AXIN2: variants seen among roughly 807,000 people sequenced by gnomAD.
AXIN2 encodes the protein axin-2.
In AXIN2, 21 loss-of-function variants were observed where a neutral mutation model predicts 74.7. That is an observed-to-expected ratio of 0.28 (90% CI 0.20 to 0.40). AXIN2 has a LOEUF of 0.40. AXIN2 is among the 10% of genes least tolerant of loss of function. AXIN2 has a pLI of 1.00. For synonymous variants in AXIN2, 532 were observed against 454.9 expected, an observed-to-expected ratio of 1.17 and a Z score of -2.16; for missense variants, 1,144 against 1,111.1, an observed-to-expected ratio of 1.03 and a Z score of -0.42.
chr17:65,538,501 C>A (rs2043985276), intron 4 of AXIN2, among the ~76,000 whole-genome samples, 158 bp from the exon 5 acceptor site: 1 of 151,830 alleles, frequency 6.6e-6, no homozygotes, highest in Admixed American at 6.6e-5. Context: ...GACTTTTATG[C>A]GCTAGCGCCA....
chr17:65,535,773 G>GC (rs758912013), intron 8 of AXIN2, 52 bp from the exon 9 acceptor site: 1 of 1,525,052 alleles, frequency 6.6e-7, no homozygotes, highest in East Asian at 2.2e-5. Flanking sequence ...TGTCCCCAGA[G>GC]CAATTGAAAA....
intron 1 of AXIN2, 117 bp downstream of exon 1, chr17:65,561,333 C>T (rs1198649390): frequency 1.4e-4 from 21 of 145,272 alleles, no homozygotes; most frequent in Non-Finnish European, 1.1e-4. Flanking sequence ...CGGCCTCCGC[C>T]TGGCCGGGCC....
At chr17:65,554,871 T>C (rs539862986) in intron 2 of AXIN2, among the ~76,000 whole-genome samples, 8 of 152,306 alleles carry the variant, frequency 5.3e-5, no homozygotes, top group African/African-American at 1.4e-4. Flanking sequence ...CTGGGCCCAG[T>C]GCCCAATCCC....
chr17:65,533,204 A>G (rs1262840378), intron 10 of AXIN2, among the ~76,000 whole-genome samples: 1 of 152,238 alleles, frequency 6.6e-6, no homozygotes, highest in Non-Finnish European at 1.5e-5. Context: ...TAAGGAGACC[A>G]GGAAGTTCCC....
intron 10 of AXIN2, 21 bp from the exon 11 acceptor site, chr17:65,530,123 A>G: frequency 3.1e-6 from 5 of 1,613,910 alleles, no homozygotes; most frequent in Non-Finnish European, 4.2e-6. Context: ...AAACCAAAAA[A>G]GCTTCTTGGT....
rs550146601 is a variant in AXIN2 at position 65,535,731 on chromosome 17, C to T, written c.2142-10G>A. 1 of 1,612,846 alleles carries T rather than the reference C, an allele frequency of 6.2e-7. No homozygotes were observed. Among genetic ancestry groups the T allele is most frequent in the South Asian group, 1.1e-5 (1 of 91,030 alleles). On this transcript the variant is annotated splice_polypyrimidine_tract_variant and intron_variant, in intron 8 of 10. Transcript: ENST00000307078. ...ACTGGCCACACAGCACCTGAGGACA[C>T]AGCCAGGGCGAGGGATTTAGAGGTA...
At chr17:65,556,602 C>G (rs1031330657) in intron 2 of AXIN2, among the ~76,000 whole-genome samples, 2 of 152,144 alleles carry the variant, frequency 1.3e-5, no homozygotes, top group African/African-American at 2.4e-5. Flanking sequence ...CAAGCCCTTC[C>G]TCTCCTCGCC....
chr17:65,537,096 A>G, intron 6 of AXIN2, 33 bp from the exon 7 acceptor site: 6 of 1,589,540 alleles, frequency 3.8e-6, no homozygotes, highest in Non-Finnish European at 5.1e-6. Context: ...CCCAACCCAG[A>G]GACCCGGTTA....
chr17:65,552,162 C>G (rs1436710433), intron 2 of AXIN2, among the ~76,000 whole-genome samples: 2 of 152,200 alleles, frequency 1.3e-5, no homozygotes, highest in Admixed American at 6.5e-5. Flanking sequence ...GTAAAAAGAA[C>G]AGTTCATTCT....
chr17:65,538,099 C>G (rs149792049), intron 5 of AXIN2, 104 bp downstream of exon 5: 11 of 1,572,478 alleles, frequency 7.0e-6, no homozygotes, highest in Non-Finnish European at 9.5e-6. Context: ...GCGCATGCAA[C>G]CCACGCACAT....
rs577812215 is a variant in AXIN2, at chr17:65,549,565, C to T, written c.911G>A (p.Ser304Asn). The T allele has an allele frequency of 6.8e-6, 11 of 1,611,106 alleles. No individual in the cohort carries two copies. The South Asian group carries it at 1.2e-4, about 18-fold the overall frequency. The change falls in exon 3 of 11, where the codon AGT (serine) becomes AAT (asparagine). Residue 304 changes from serine to asparagine, a missense_variant. This residue lies in a region of AXIN2 where 1,053 missense variants were observed against 973.5 expected (regional missense o/e 1.08). Transcript: ENST00000307078. ...ATSANDSEIS[S>N]DALTDDSMSM... ...CATGGAATCATCCGTCAGCGCATCA[C>T]TGGATATCTCACTGTCGTTGGCGCT...
rs8081536 is a variant in AXIN2 at position 65,538,333 on chromosome 17, C to T, written c.1070G>A (p.Arg357His). The change falls in exon 5 of 11, where the codon CGC becomes CAC. Residue 357 changes from arginine to histidine, a missense_variant. This residue lies in a region of AXIN2 where 1,053 missense variants were observed against 973.5 expected (regional missense o/e 1.08). Transcript: ENST00000307078. ...CACGGGGGTCATCTCCTTGGGCAGG[C>T]GGTGGGTTCTCTACAGGACGTGGAA... ...VSLPHFPRTH[R>H]LPKEMTPVEP... is the part of the protein sequence containing the mutation. 482 of 1,613,980 alleles carry T rather than the reference C, an allele frequency of 3.0e-4. 4 individuals are homozygous for T. In the African/African-American group the frequency reaches 5.4e-3, roughly 18 times the overall value.
chr17:65,537,055 C>CAT lies in AXIN2; in HGVS notation c.1720_1721insAT (p.Arg574AsnfsTer116). On this transcript the variant is annotated frameshift_variant, in exon 7 of 11. Transcript: ENST00000307078. LOFTEE classifies it high-confidence loss of function. ...ATTGCGTTTGGGCAAGGTACTGCCT[C>CAT]TGCTGCCGCTGTGGGGAACCAAGAA... is the stretch of plus-strand genomic sequence containing the variant. 1 of 1,604,568 alleles carries CAT rather than the reference C, an allele frequency of 6.2e-7. No individual in the cohort carries two copies. Among genetic ancestry groups the CAT allele is most frequent in the Non-Finnish European group, 8.5e-7 (1 of 1,179,278 alleles).
Position 65,557,913 on chromosome 17 carries a change from A to G in AXIN2, c.708T>C (p.Cys236=). The G allele has an allele frequency of 1.2e-6, 2 of 1,614,208 alleles. No individual in the cohort carries two copies. Among genetic ancestry groups the G allele is most frequent in the Non-Finnish European group, 1.7e-6 (2 of 1,180,028 alleles). ...PTLNEEEEWT[C]ADFKCKLSPT... is the part of the protein sequence containing the mutation. The stretch of plus-strand genomic sequence containing the variant: ...GCGAAAGTTTGCACTTGAAGTCGGC[A>G]CAAGTCCACTCCTCTTCTTCATTCA... The change falls in exon 2 of 11, where the codon TGT becomes TGC. Residue 236 remains cysteine (C), a synonymous_variant. Coordinates refer to ENST00000307078, the MANE Select transcript of AXIN2 (RefSeq NM_004655.4).
rs141655687 is a variant in AXIN2 at position 65,558,351 on chromosome 17, G to A, written c.270C>T (p.Asp90=). The A allele has an allele frequency of 1.3e-3, 2,144 of 1,614,050 alleles. 4 individuals are homozygous for A. The highest frequency in any genetic ancestry group is 1.8e-3 in the South Asian group (165 of 91,064). Residue 90 remains aspartate (D), a synonymous_variant, in exon 2 of 11, where the codon GAC becomes GAT. Transcript: ENST00000307078. ...GGAAAGTTCGGAACAGGTAAGCACC[G>A]TCTTGATCGCCCAATAAGGAGTGTA... ...KSLHSLLGDQ[D]GAYLFRTFLE...
rs2044375090 is a variant in AXIN2, at chr17:65,561,460, AGGGCCTTCGGCG to A, written c.-139_-128del. ...AGCTTCCACCCCCACCTTTTACAGC[AGGGCCTTCGGCG>A]GGCGCCTCGGCCGCCGGGCGGCCCC... On this transcript the variant is annotated 5_prime_UTR_variant, in exon 1 of 11. Coordinates refer to ENST00000307078, the MANE Select transcript of AXIN2 (RefSeq NM_004655.4). 6.7e-6 allele frequency: 1 copy of A among 150,150 alleles called. No homozygotes were observed. Among genetic ancestry groups the A allele is most frequent in the East Asian group, 2.0e-4 (1 of 5,100 alleles). 9.3% of individuals were successfully genotyped at this position (150,150 alleles called of 1,614,324 possible).
In AXIN2 at chr17:65,529,631, A is replaced by G. The variant is rs1433448292; in HGVS notation, c.*345T>C. ...TATCAGTAAGGATTCCTGTTCAGGT[A>G]AGCTATACACAGTTTCTCTTAGTTT... On this transcript the variant is annotated 3_prime_UTR_variant, in exon 11 of 11. Coordinates refer to ENST00000307078, the MANE Select transcript of AXIN2 (RefSeq NM_004655.4). 1 of 418,778 alleles carries G rather than the reference A, an allele frequency of 2.4e-6. No individual in the cohort carries two copies. The highest frequency in any genetic ancestry group is 4.4e-6 in the Non-Finnish European group (1 of 225,168). The allele number at this position is 418,778 out of a possible 1,614,324, so 25.9% of individuals were successfully genotyped here.
chr17:65,536,214 G>A, intron 8 of AXIN2, 106 bp downstream of exon 8: 1 of 1,151,246 alleles, frequency 8.7e-7, no homozygotes, highest in South Asian at 1.3e-5. Flanking sequence ...CTCATGGGAG[G>A]GTTTGAGACC....
rs761317788 is a variant in AXIN2 at position 65,557,851 on chromosome 17, G to A, written c.770C>T (p.Ala257Val). 3 of 1,614,164 alleles carry A rather than the reference G, an allele frequency of 1.9e-6. No homozygotes were observed. The highest frequency in any genetic ancestry group is 1.7e-5 in the Admixed American group (1 of 60,026). Residue 257 changes from alanine to valine, a missense_variant, in exon 2 of 11, where the codon GCC becomes GTC. This residue lies in a region of AXIN2 where 1,053 missense variants were observed against 973.5 expected (regional missense o/e 1.08). Coordinates refer to ENST00000307078, the MANE Select transcript of AXIN2 (RefSeq NM_004655.4). ...TTCCGTGGACCTCACACTCGCCGTG[G>A]CCCTCAGAGTTTTGCTGGACAAGCC... ...VVGLSSKTLR[A>V]TASVRSTETV...
Sources: allele counts gnomAD v4.1 joint callset (sites outside exome capture counted in the v4.1 genomes callset), GRCh38; gene constraint gnomAD v4.1.1; regional missense constraint gnomAD v4.1.1; transcripts MANE v1.5; gene names NCBI Gene and HGNC (gene_info 2026-07-23, HGNC 2026-07-21).